FARS2: variants seen among roughly 807,000 people sequenced by gnomAD.
FARS2 encodes phenylalanine--tRNA ligase, mitochondrial.
In FARS2, 40 loss-of-function variants were observed where a neutral mutation model predicts 46.4. The observed-to-expected ratio is 0.86, with a 90% CI of 0.67 to 1.12. The LOEUF is 1.12. Among genes scored for constraint, FARS2 ranks in the 50% most tolerant of loss-of-function variants. The pLI is 0.00. For synonymous variants in FARS2, 234 were observed against 214.9 expected, an observed-to-expected ratio of 1.09 and a Z score of -0.78; for missense variants, 513 against 567.9, an observed-to-expected ratio of 0.90 and a Z score of 0.98.
At chr6:5,595,900 T>G (rs1774171787) in intron 5 of FARS2, among the ~76,000 whole-genome samples, 1 of 152,098 alleles carries the variant, frequency 6.6e-6, no homozygotes, top group Admixed American at 6.5e-5. Context: ...CAGAGCTGAG[T>G]TGTAGCGGCT....
intron 5 of FARS2, among the ~76,000 whole-genome samples, chr6:5,575,070 A>C (rs1208608479): frequency 6.6e-6 from 1 of 152,132 alleles, no homozygotes; most frequent in African/African-American, 2.4e-5. Flanking sequence ...TCGCACTATA[A>C]CTCAAACATG....
At chr6:5,421,237 A>G (rs2127750027) in intron 3 of FARS2, among the ~76,000 whole-genome samples, 1 of 152,300 alleles carries the variant, frequency 6.6e-6, no homozygotes, top group East Asian at 1.9e-4. Flanking sequence ...CCCGAGCTCT[A>G]CATTGACCCC....
chr6:5,357,129 C>T (rs564780642), intron 1 of FARS2, among the ~76,000 whole-genome samples: 64 of 152,186 alleles, frequency 4.2e-4, no homozygotes, highest in South Asian at 2.1e-3. Flanking sequence ...GTTTGATGTC[C>T]ATCTTTTCGA....
chr6:5,288,374 C>T (rs1383484471), intron 1 of FARS2, among the ~76,000 whole-genome samples: 1 of 152,240 alleles, frequency 6.6e-6, no homozygotes, highest in Non-Finnish European at 1.5e-5. Context: ...GAGCCTCTCC[C>T]AAACACCAAT....
Position 5,523,591 on chromosome 6 carries a change from G to A in FARS2, c.905-21589G>A, listed in dbSNP as rs529618007. Among the ~76,000 whole-genome samples the A allele has an allele frequency of 1.9e-4, 29 of 152,178 alleles. No homozygotes were observed. The South Asian group carries it at 6.0e-3, about 32-fold the overall frequency. Reference sequence around the variant, plus strand: ...CCTGTGGGCTCTTTCTGCTGCGGTCGGCTCAGCCGCTGCATCAGACCTTAT... The same window carrying A: ...CCTGTGGGCTCTTTCTGCTGCGGTCAGCTCAGCCGCTGCATCAGACCTTAT... On this transcript the variant is annotated intron_variant, in intron 4 of 6. Transcript: ENST00000274680.
chr6:5,533,745 C>T (rs1298461256), intron 4 of FARS2, among the ~76,000 whole-genome samples: 1 of 152,162 alleles, frequency 6.6e-6, no homozygotes, highest in African/African-American at 2.4e-5. Flanking sequence ...TGGGAGACCT[C>T]ACTGAGAAGG....
chr6:5,583,748 G>A (rs1561731112), intron 5 of FARS2, among the ~76,000 whole-genome samples: 2 of 152,200 alleles, frequency 1.3e-5, no homozygotes, highest in African/African-American at 2.4e-5. Context: ...GACTCTGAAA[G>A]TAAGTGAGGA....
intron 3 of FARS2, among the ~76,000 whole-genome samples, chr6:5,408,853 G>T (rs777889182): frequency 1.3e-5 from 2 of 152,132 alleles, no homozygotes; most frequent in Non-Finnish European, 2.9e-5. Flanking sequence ...CCAGACTGTG[G>T]CACCGTAGCC....
intron 6 of FARS2, among the ~76,000 whole-genome samples, chr6:5,738,780 A>AG (rs2150948265): frequency 6.6e-6 from 1 of 152,118 alleles, no homozygotes; most frequent in Admixed American, 6.5e-5. Context: ...TTTAGAAAAA[A>AG]AAAATGCAGT....
Position 5,296,129 on chromosome 6 carries a change from C to CTTTTTTTT in FARS2, c.-22+34492_-22+34499dup, listed in dbSNP as rs70974187. ...CAAACATAAAAATTATCATTTTGGC[C>CTTTTTTTT]TTTTTTTTTTTTTTTTTTTTTTTTT... is the stretch of plus-strand genomic sequence containing the variant. On this transcript the variant is annotated intron_variant, in intron 1 of 6. Transcript: ENST00000274680. Among the ~76,000 whole-genome samples, 113 of 55,074 alleles carry CTTTTTTTT rather than the reference C, an allele frequency of 2.1e-3. 21 individuals are homozygous for CTTTTTTTT. Among genetic ancestry groups the CTTTTTTTT allele is most frequent in the African/African-American group, 3.9e-3 (44 of 11,294 alleles). 36.1% of individuals were successfully genotyped at this position (55,074 alleles called of 152,430 possible). A position where few individuals can be genotyped will look rare whatever the true frequency, so the allele number is the denominator to read the frequency against.
chr6:5,472,685 C>T (rs1450431721), intron 4 of FARS2, among the ~76,000 whole-genome samples: 4 of 152,034 alleles, frequency 2.6e-5, no homozygotes, highest in Non-Finnish European at 5.9e-5. Flanking sequence ...ATGTGATGTC[C>T]TAGGTGGTCC....
intron 3 of FARS2, among the ~76,000 whole-genome samples, chr6:5,415,262 G>A (rs1762160501): frequency 1.3e-5 from 2 of 150,250 alleles, no homozygotes; most frequent in Non-Finnish European, 3.0e-5. Flanking sequence ...TCTGATAGGA[G>A]TGTAGTGGTA....
At chr6:5,287,341 G>C (rs1172556244) in intron 1 of FARS2, among the ~76,000 whole-genome samples, 1 of 152,152 alleles carries the variant, frequency 6.6e-6, no homozygotes, top group Non-Finnish European at 1.5e-5. Flanking sequence ...TGGTGGAGTG[G>C]TCCGTGTTAT....
chr6:5,633,950 CT>C (rs1427153818), intron 6 of FARS2, among the ~76,000 whole-genome samples: 2 of 152,100 alleles, frequency 1.3e-5, no homozygotes, highest in Admixed American at 6.5e-5. Context: ...AAGTTGTTAT[CT>C]GCCTTTTATT....
intron 6 of FARS2, among the ~76,000 whole-genome samples, chr6:5,666,270 A>C (rs1437910997): frequency 1.3e-5 from 2 of 152,190 alleles, no homozygotes; most frequent in African/African-American, 4.8e-5. Context: ...AAGAGTCAAC[A>C]ATATTGTTTG....
At chr6:5,666,718 G>A (rs112110051) in intron 6 of FARS2, among the ~76,000 whole-genome samples, 20,860 of 152,126 alleles carry the variant, frequency 0.14, 2,590 homozygotes, top group African/African-American at 0.34. Context: ...CAATCCCATT[G>A]CTGGATATAC....
intron 5 of FARS2, among the ~76,000 whole-genome samples, chr6:5,550,379 C>G (rs1323675301): frequency 6.6e-6 from 1 of 152,216 alleles, no homozygotes; most frequent in Admixed American, 6.5e-5. Flanking sequence ...AGGCTTACAT[C>G]TCAGCCTCCC....
chr6:5,316,419 G>C (rs887464627), intron 1 of FARS2, among the ~76,000 whole-genome samples: 5 of 152,176 alleles, frequency 3.3e-5, no homozygotes, highest in African/African-American at 9.7e-5. Context: ...TTGAATGTCT[G>C]TACTCCTGTA....
intron 5 of FARS2, among the ~76,000 whole-genome samples, chr6:5,550,785 A>G (rs557618182): frequency 1.3e-5 from 2 of 152,250 alleles, no homozygotes; most frequent in South Asian, 2.1e-4. Flanking sequence ...ATTCCATTAC[A>G]CAAGAGGCTC....
Sources: allele counts gnomAD v4.1 joint callset (sites outside exome capture counted in the v4.1 genomes callset), GRCh38; gene constraint gnomAD v4.1.1; transcripts MANE v1.5; gene names NCBI Gene and HGNC (gene_info 2026-07-23, HGNC 2026-07-21).